Variants in CDHR3 observed in about 807,000 individuals in gnomAD.
CDHR3 encodes the protein cadherin related family member 3.
In CDHR3, 79 loss-of-function variants were observed where a neutral mutation model predicts 86.6. The ratio of observed to expected loss-of-function variants is 0.91; its 90% CI spans 0.76 to 1.10. The LOEUF (loss-of-function observed/expected upper bound fraction) is 1.10, where lower values mean the gene tolerates loss of function less well. CDHR3 is among the 50% of genes least tolerant of loss of function. The pLI is 0.00. For synonymous variants in CDHR3, 421 were observed against 402.4 expected, an observed-to-expected ratio of 1.05 and a Z score of -0.55; for missense variants, 1,081 against 1,077.6, an observed-to-expected ratio of 1.00 and a Z score of -0.04.
At chr7:106,003,249 C>T (rs561920085) in intron 7 of CDHR3, among the ~76,000 whole-genome samples, 5 of 152,014 alleles carry the variant, frequency 3.3e-5, no homozygotes, top group African/African-American at 1.2e-4. Flanking sequence ...TTTGGATTAG[C>T]ACCATTTAAT....
intron 16 of CDHR3, among the ~76,000 whole-genome samples, chr7:106,028,092 G>A (rs1040244029): frequency 6.7e-6 from 1 of 149,574 alleles, no homozygotes; most frequent in Non-Finnish European, 1.5e-5. Context: ...ACTCTAGCCT[G>A]GACGACAAGA....
intron 1 of CDHR3, among the ~76,000 whole-genome samples, chr7:105,965,388 C>T (rs972155153): frequency 2.0e-5 from 3 of 152,110 alleles, no homozygotes; most frequent in African/African-American, 2.4e-5. Context: ...GCAGGAGAAT[C>T]GCTTGAACCC....
rs1554532690 is a variant in CDHR3 at position 106,028,926 on chromosome 7, T to TTCTTTCTTTC, written c.2304+346_2304+355dup. Among the ~76,000 whole-genome samples, 94 of 106,350 alleles carry TTCTTTCTTTC rather than the reference T, an allele frequency of 8.8e-4. 4 individuals carry two copies. Among genetic ancestry groups the TTCTTTCTTTC allele is most frequent in the Non-Finnish European group, 1.2e-3 (60 of 51,604 alleles). The allele number at this position is 106,350 out of a possible 152,430, so 69.8% of individuals were successfully genotyped here. A position where few individuals can be genotyped will look rare whatever the true frequency, so the allele number is the denominator to read the frequency against. On this transcript the variant is annotated intron_variant, in intron 17 of 18. Transcript: ENST00000317716. ...CCAGTGAGATTTAAATTTTCTTTCTTTCTTTCTTTCTTTCTTTCTTTCTTT... is the reference window on the plus strand; with the variant it reads ...CCAGTGAGATTTAAATTTTCTTTCTTTCTTTCTTTCTCTTTCTTTCTTTCTTTCTTTCTTT...
chr7:106,013,106 A>G, intron 9 of CDHR3, 75 bp downstream of exon 9: 6 of 1,364,972 alleles, frequency 4.4e-6, no homozygotes, highest in Non-Finnish European at 4.9e-6. Context: ...TTGCTGCCCC[A>G]TAGAGAGAAA....
chr7:106,031,351 G>A (rs1049152861), intron 18 of CDHR3, among the ~76,000 whole-genome samples: 12 of 152,228 alleles, frequency 7.9e-5, no homozygotes, highest in African/African-American at 2.9e-4. Context: ...ATAAGGTAGA[G>A]CTGGCCTCCA....
chr7:105,975,183 C>G, intron 2 of CDHR3, 137 bp downstream of exon 2: 1 of 762,182 alleles, frequency 1.3e-6, no homozygotes, highest in Admixed American at 2.0e-5. Flanking sequence ...GGAGTCCTGT[C>G]TGAGGCATCC....
At chr7:106,024,931 G>T (rs1221402724) in intron 15 of CDHR3, among the ~76,000 whole-genome samples, 1 of 152,170 alleles carries the variant, frequency 6.6e-6, no homozygotes. Flanking sequence ...AATATTTAAA[G>T]GATAGTATGG....
intron 18 of CDHR3, among the ~76,000 whole-genome samples, chr7:106,032,181 C>T (rs1413820341): frequency 2.6e-5 from 4 of 152,178 alleles, no homozygotes; most frequent in Non-Finnish European, 5.9e-5. Context: ...CTGTTTGCTA[C>T]CTGTGTGGTC....
At chr7:105,996,721 G>A (rs1328046912) in intron 6 of CDHR3, among the ~76,000 whole-genome samples, 3 of 152,102 alleles carry the variant, frequency 2.0e-5, no homozygotes, top group South Asian at 2.1e-4. Context: ...CATCACTCAC[G>A]ACTCCCTAAC....
At chr7:105,967,408 A>G (rs1354098474) in intron 1 of CDHR3, among the ~76,000 whole-genome samples, 1 of 152,246 alleles carries the variant, frequency 6.6e-6, no homozygotes, top group African/African-American at 2.4e-5. Context: ...TAGTGCCACA[A>G]TAAACATACA....
Position 105,981,125 on chromosome 7 carries a change from T to G in CDHR3, c.407T>G (p.Leu136Trp). The G allele has an allele frequency of 6.2e-7, 1 of 1,613,482 alleles. No individual in the cohort carries two copies. Among genetic ancestry groups the G allele is most frequent in the Non-Finnish European group, 8.5e-7 (1 of 1,179,698 alleles). ...GAGCCACCTCAGTTTCAAGGCAACTTGGCAGAAGGTAGGATACACCAGGAT... is the reference window on the plus strand; with the variant it reads ...GAGCCACCTCAGTTTCAAGGCAACTGGGCAGAAGGTAGGATACACCAGGAT... ...VNEPPQFQGN[L>W]AEGLHLYIVE... The change falls in exon 3 of 19, where the codon TTG (leucine) becomes TGG (tryptophan). Residue 136 changes from leucine (L) to tryptophan (W), a missense_variant. Physicochemically the swap from Leu to Trp is moderately conservative, Grantham distance 61 (BLOSUM62 -2). Coordinates refer to ENST00000317716, the MANE Select transcript of CDHR3 (RefSeq NM_152750.5).
intron 4 of CDHR3, among the ~76,000 whole-genome samples, chr7:105,992,276 A>G (rs1286072799): frequency 1.3e-5 from 2 of 152,208 alleles, no homozygotes; most frequent in African/African-American, 2.4e-5. Flanking sequence ...TACATACAGT[A>G]AATCTCCTCC....
rs887526084 is a variant in CDHR3 at position 106,034,757 on chromosome 7, TTAA to T, written c.*2064_*2066del. 4.6e-5 allele frequency among the ~76,000 whole-genome samples: 7 copies of T among 152,192 alleles called. No individual in the cohort carries two copies. Among genetic ancestry groups the T allele is most frequent in the Non-Finnish European group, 7.3e-5 (5 of 68,042 alleles). Reference sequence around the variant, plus strand: ...GGTTCTGAGAAGGCTGAAGGGGGACTTAATAACTGCTTATAAGCCCATTAAGAA... The same window carrying T: ...GGTTCTGAGAAGGCTGAAGGGGGACTTAACTGCTTATAAGCCCATTAAGAA... On this transcript the variant is annotated 3_prime_UTR_variant, in exon 19 of 19. Transcript: ENST00000317716.
At position 105,963,341 on chromosome 7, in the gene CDHR3, T is replaced by C. The variant is rs1375335893; in HGVS notation, c.23T>C (p.Leu8Pro). 5 of 1,614,042 alleles carry C rather than the reference T, an allele frequency of 3.1e-6. No homozygotes were observed. The African/African-American group carries it at 4.0e-5, about 13-fold the overall frequency. Residue 8 changes from leucine (L) to proline (P), a missense_variant, in exon 1 of 19, where the codon CTG becomes CCG. By Grantham distance (98) the Leu-to-Pro change is moderately conservative. Transcript: ENST00000317716. ...AGTATGCAGGAAGCAATCATTCTCCTGGCTCTCCTGGGTGCCATGTCAGGT... is the reference window on the plus strand; with the variant it reads ...AGTATGCAGGAAGCAATCATTCTCCCGGCTCTCCTGGGTGCCATGTCAGGT... MQEAIIL[L>P]ALLGAMSGGE...
At chr7:106,018,541 T>G (rs1563295280) in intron 12 of CDHR3, among the ~76,000 whole-genome samples, 1 of 152,160 alleles carries the variant, frequency 6.6e-6, no homozygotes, top group Non-Finnish European at 1.5e-5. Flanking sequence ...CAGCCCCATA[T>G]TTTTTTGAGG....
In CDHR3 at chr7:106,013,008, C is replaced by G. The variant is rs751568076; in HGVS notation, c.1201C>G (p.Pro401Ala). Residue 401 changes from proline (P) to alanine (A), a missense_variant, in exon 9 of 19, where the codon CCA becomes GCA. Transcript: ENST00000317716. ...GAGCGGCAGCAGATTTTTACAGGAT[C>G]CAGCTGGCTCTGGGAAGATTGTGGT... ...VGSGSRFLQD[P>A]AGSGKIVLIG... The G allele has an allele frequency of 6.2e-7, 1 of 1,607,780 alleles. No individual in the cohort carries two copies. The highest frequency in any genetic ancestry group is 8.5e-7 in the Non-Finnish European group (1 of 1,177,446).
At chr7:105,978,806 T>C (rs1175739583) in intron 2 of CDHR3, among the ~76,000 whole-genome samples, 1 of 152,158 alleles carries the variant, frequency 6.6e-6, no homozygotes, top group Non-Finnish European at 1.5e-5. Context: ...ATTTTTTGAC[T>C]GTTCTATTTC....
At position 106,030,960 on chromosome 7, in the gene CDHR3, G is replaced by A. The variant is rs1006587668; in HGVS notation, c.2353+120G>A. 1 of 958,906 alleles carries A rather than the reference G, an allele frequency of 1.0e-6. No homozygotes were observed. The highest frequency in any genetic ancestry group is 1.6e-6 in the Non-Finnish European group (1 of 620,552). The allele number at this position is 958,906 out of a possible 1,614,324, so 59.4% of individuals were successfully genotyped here. ...TTTTGTCAATCCGTTTGGCTATGTT[G>A]CCTATATAGTGCTGACTCTTCTAGG... On this transcript the variant is annotated intron_variant, in intron 18 of 18. Transcript: ENST00000317716. This position sits in a 1 kb window ranked among gnomAD's most constrained non-coding sequence, Gnocchi z 4.8.
chr7:105,999,046 T>C (rs1039906478), intron 6 of CDHR3, among the ~76,000 whole-genome samples: 2 of 152,166 alleles, frequency 1.3e-5, no homozygotes, highest in Non-Finnish European at 2.9e-5. Context: ...TTCACACCCT[T>C]CCCTGTGAGT....
Sources: gnomAD v4.1 joint callset for allele counts (sites outside exome capture counted in the v4.1 genomes callset) on GRCh38, gnomAD v4.1.1 for gene constraint, Gnocchi (gnomAD v3.1) non-coding constraint, MANE v1.5 for transcripts, NCBI Gene and HGNC (gene_info 2026-07-23, HGNC 2026-07-21) for gene names.